GSK3B: variants seen among roughly 807,000 people sequenced by gnomAD.
GSK3B encodes the protein glycogen synthase kinase-3 beta.
Under a neutral mutation model 56.4 loss-of-function variants are expected in GSK3B, and 15 were observed. The observed-to-expected ratio is 0.27, with a 90% CI of 0.18 to 0.41. GSK3B has a LOEUF of 0.41. Among genes scored for constraint, GSK3B ranks in the 10% least tolerant of loss-of-function variants. The pLI is 1.00. For missense variants in GSK3B, 300 were observed against 513.4 expected (o/e 0.58, Z 4.02); for synonymous variants, 181 against 188.9 (o/e 0.96, Z 0.34).
intron 4 of GSK3B, among the ~76,000 whole-genome samples, chr3:119,921,865 T>C (rs1422816919): frequency 1.3e-5 from 2 of 152,070 alleles, no homozygotes; most frequent in African/African-American, 4.8e-5. Flanking sequence ...TGGCCAGGCG[T>C]GGTGGCTTGC....
At chr3:120,091,701 G>A (rs1358855563) in intron 1 of GSK3B, among the ~76,000 whole-genome samples, 1 of 151,842 alleles carries the variant, frequency 6.6e-6, no homozygotes, top group Non-Finnish European at 1.5e-5. Flanking sequence ...AAATTACCCC[G>A]GAATTTTAAA....
At chr3:119,991,396 C>A (rs934377904) in intron 2 of GSK3B, among the ~76,000 whole-genome samples, 22 of 150,342 alleles carry the variant, frequency 1.5e-4, no homozygotes, top group African/African-American at 4.9e-4. Context: ...ACCAGAAATT[C>A]TTTTAAAAAG....
At chr3:119,999,660 T>G (rs2057656725) in intron 2 of GSK3B, among the ~76,000 whole-genome samples, 1 of 152,180 alleles carries the variant, frequency 6.6e-6, no homozygotes, top group Admixed American at 6.5e-5. Flanking sequence ...TCGAGGAATT[T>G]AGAATAGCAA....
At chr3:120,012,403 C>T (rs2057786147) in intron 1 of GSK3B, among the ~76,000 whole-genome samples, 2 of 152,190 alleles carry the variant, frequency 1.3e-5, no homozygotes, top group African/African-American at 4.8e-5. Flanking sequence ...TTATATGGCA[C>T]TAGCGATTAT....
intron 1 of GSK3B, among the ~76,000 whole-genome samples, chr3:120,020,741 G>T (rs1270964825): frequency 6.6e-6 from 1 of 152,198 alleles, no homozygotes; most frequent in Non-Finnish European, 1.5e-5. Context: ...AAAGCTAGAA[G>T]TAATTAAGCT....
At chr3:119,865,332 T>C (rs1190718270) in intron 8 of GSK3B, among the ~76,000 whole-genome samples, 3 of 150,766 alleles carry the variant, frequency 2.0e-5, no homozygotes, top group Non-Finnish European at 2.9e-5. Flanking sequence ...AACATTCAAA[T>C]GTAGGATGGC....
intron 1 of GSK3B, among the ~76,000 whole-genome samples, chr3:120,071,634 G>A (rs1266371658): frequency 3.9e-5 from 6 of 152,188 alleles, no homozygotes; most frequent in Non-Finnish European, 8.8e-5. Context: ...AGCACCCCCA[G>A]ATGGGACTGT....
At chr3:119,835,155 C>T (rs1181420909) in intron 10 of GSK3B, among the ~76,000 whole-genome samples, 1 of 152,212 alleles carries the variant, frequency 6.6e-6, no homozygotes, top group African/African-American at 2.4e-5. Context: ...TGTGTATGTG[C>T]ACACATGCAC....
At chr3:119,995,776 C>A (rs1576257023) in intron 2 of GSK3B, among the ~76,000 whole-genome samples, 1 of 131,078 alleles carries the variant, frequency 7.6e-6, no homozygotes, top group Non-Finnish European at 1.6e-5. Context: ...CTCACTCTGT[C>A]CCCCAGGCTA....
At chr3:120,048,219 C>A (rs924439934) in intron 1 of GSK3B, among the ~76,000 whole-genome samples, 9 of 152,148 alleles carry the variant, frequency 5.9e-5, no homozygotes, top group Admixed American at 1.3e-4. Flanking sequence ...AAAAAGGAGT[C>A]CTACAACTAC....
At chr3:119,864,698 T>C (rs1446243102) in intron 8 of GSK3B, among the ~76,000 whole-genome samples, 2 of 152,260 alleles carry the variant, frequency 1.3e-5, no homozygotes, top group Admixed American at 6.5e-5. Flanking sequence ...ATGGCTCATG[T>C]AACATTTGGT....
At position 119,935,580 on chromosome 3, in the gene GSK3B, CTG is replaced by C. The variant is rs2056986244; in HGVS notation, c.366+11686_366+11687del. ...ACTACTTGTATCTCCTCTACACACA[CTG>C]TGCTATTAAACATCACCAAGTCTTT... On this transcript the variant is annotated intron_variant, in intron 3 of 10. Transcript: ENST00000264235. Among the ~76,000 whole-genome samples the C allele has an allele frequency of 6.6e-5, 10 of 152,306 alleles. No homozygotes were observed. In the South Asian group the frequency reaches 1.9e-3, roughly 28 times the overall value.
At chr3:120,000,202 T>C (rs1346781204) in intron 2 of GSK3B, among the ~76,000 whole-genome samples, 1 of 152,188 alleles carries the variant, frequency 6.6e-6, no homozygotes, top group African/African-American at 2.4e-5. Context: ...TGGAACAGTC[T>C]GAATAACAGT....
intron 9 of GSK3B, among the ~76,000 whole-genome samples, chr3:119,857,846 A>C (rs1183202160): frequency 6.6e-6 from 1 of 152,226 alleles, no homozygotes; most frequent in East Asian, 1.9e-4. Flanking sequence ...AAAAGTAGAA[A>C]TCATTCCTTG....
intron 1 of GSK3B, among the ~76,000 whole-genome samples, chr3:120,075,144 A>G (rs2107568906): frequency 6.6e-6 from 1 of 152,354 alleles, no homozygotes; most frequent in South Asian, 2.1e-4. Context: ...TGACACAATC[A>G]TATCAACTGA....
chr3:119,855,318 G>T (rs551357605), intron 9 of GSK3B, among the ~76,000 whole-genome samples: 1 of 152,286 alleles, frequency 6.6e-6, no homozygotes, highest in South Asian at 2.1e-4. Flanking sequence ...TCATTAAAAA[G>T]TCAGGAAACA....
intron 7 of GSK3B, among the ~76,000 whole-genome samples, chr3:119,884,840 C>T (rs1430615724): frequency 2.0e-5 from 3 of 151,892 alleles, no homozygotes; most frequent in Non-Finnish European, 4.4e-5. Context: ...ATAAAATCTA[C>T]CCCTATCATG....
At chr3:119,895,310 T>C (rs978978464) in intron 7 of GSK3B, among the ~76,000 whole-genome samples, 8 of 152,162 alleles carry the variant, frequency 5.3e-5, no homozygotes, top group Admixed American at 3.9e-4. Context: ...ATATATACCA[T>C]ATTTTTCCTT....
chr3:119,986,360 T>C (rs2057515386), intron 2 of GSK3B, among the ~76,000 whole-genome samples: 1 of 152,162 alleles, frequency 6.6e-6, no homozygotes, highest in Non-Finnish European at 1.5e-5. Flanking sequence ...GAAGAACTTC[T>C]GCACGGTGAA....
Sources: gnomAD v4.1 joint callset for allele counts (sites outside exome capture counted in the v4.1 genomes callset) on GRCh38, gnomAD v4.1.1 for gene constraint, MANE v1.5 for transcripts, NCBI Gene and HGNC (gene_info 2026-07-23, HGNC 2026-07-21) for gene names.